Variants in FASTKD1 observed in about 807,000 individuals in gnomAD.
FASTKD1 encodes FAST kinase domains 1.
In FASTKD1, 94 loss-of-function variants were observed where a neutral mutation model predicts 90.9. The ratio of observed to expected loss-of-function variants is 1.03; its 90% CI spans 0.88 to 1.23. FASTKD1 has a LOEUF of 1.23. Among genes scored for constraint, FASTKD1 ranks in the 50% most tolerant of loss-of-function variants. The pLI is 0.00. For missense variants in FASTKD1, 945 were observed against 993.5 expected (o/e 0.95, Z 0.66); for synonymous variants, 319 against 345.8 (o/e 0.92, Z 0.86).
rs77134597 is a variant in FASTKD1, at chr2:169,570,114, C to T, written c.378-862G>A. Among the ~76,000 whole-genome samples the T allele has an allele frequency of 7.0e-3, 1,064 of 152,222 alleles. 18 individuals carry two copies. Among genetic ancestry groups the T allele is most frequent in the African/African-American group, 0.024 (979 of 41,540 alleles). On this transcript the variant is annotated intron_variant, in intron 2 of 14. Coordinates refer to ENST00000453153, the MANE Select transcript of FASTKD1 (RefSeq NM_024622.6). ...AAACAACTTACACGTCTCTAACTTA[C>T]GTAATGCTGATATTTACAGCCATTT...
At chr2:169,549,936 T>C (rs567928075) in intron 7 of FASTKD1, among the ~76,000 whole-genome samples, 53 of 152,358 alleles carry the variant, frequency 3.5e-4, no homozygotes, top group Non-Finnish European at 5.9e-4. Context: ...TAAAAGTATT[T>C]TAATTTTATC....
intron 3 of FASTKD1, among the ~76,000 whole-genome samples, chr2:169,567,940 G>A (rs1183009314): frequency 6.6e-6 from 1 of 152,014 alleles, no homozygotes; most frequent in East Asian, 1.9e-4. Flanking sequence ...CCCAAAATGA[G>A]TCTGCTATTA....
chr2:169,565,793 T>G (rs1266667147), intron 3 of FASTKD1, among the ~76,000 whole-genome samples: 1 of 152,216 alleles, frequency 6.6e-6, no homozygotes, highest in African/African-American at 2.4e-5. Context: ...TTATACTAAT[T>G]TACATTCCCA....
At chr2:169,541,584 G>A (rs1684957841) in intron 9 of FASTKD1, among the ~76,000 whole-genome samples, 1 of 152,052 alleles carries the variant, frequency 6.6e-6, no homozygotes, top group African/African-American at 2.4e-5. Context: ...ATGCTGTCTG[G>A]CCCATAGATC....
intron 3 of FASTKD1, among the ~76,000 whole-genome samples, chr2:169,564,266 A>G (rs1295898473): frequency 6.6e-6 from 1 of 152,300 alleles, no homozygotes. Context: ...TAAGACAATC[A>G]ACAAAATTTG....
Position 169,569,197 on chromosome 2 carries a change from T to C in FASTKD1, c.433A>G (p.Arg145Gly), listed in dbSNP as rs1383855781. Reference sequence around the variant, plus strand: ...CAGGGTACTTGCCTTTCTAGCCTTCTCCATGCTTCTGTAACTAGTGCTTCA... The same window carrying C: ...CAGGGTACTTGCCTTTCTAGCCTTCCCCATGCTTCTGTAACTAGTGCTTCA... Reference protein sequence around the residue: ...LVEALVTEAWRRLERFDIKLL... With the variant: ...LVEALVTEAWGRLERFDIKLL... The change falls in exon 3 of 15, where the codon AGA (arginine) becomes GGA (glycine). Residue 145 changes from arginine (R) to glycine (G), a missense_variant. Physicochemically the swap from Arg to Gly is moderately radical, Grantham distance 125. Coordinates refer to ENST00000453153, the MANE Select transcript of FASTKD1 (RefSeq NM_024622.6). 2 of 1,614,096 alleles carry C rather than the reference T, an allele frequency of 1.2e-6. No individual in the cohort carries two copies. The highest frequency in any genetic ancestry group is 1.7e-5 in the Admixed American group (1 of 60,024).
chr2:169,544,562 C>T (rs1157723726), intron 9 of FASTKD1, among the ~76,000 whole-genome samples, 159 bp downstream of exon 9: 2 of 152,138 alleles, frequency 1.3e-5, no homozygotes, highest in African/African-American at 2.4e-5. Flanking sequence ...CAGAGCAAGA[C>T]TCTGTCTCAA....
chr2:169,530,540 A>T, intron 14 of FASTKD1, 47 bp downstream of exon 14: 2 of 1,010,900 alleles, frequency 2.0e-6, no homozygotes, highest in Non-Finnish European at 3.0e-6. Flanking sequence ...ATGTACAGCT[A>T]GTGTCTCTGG....
chr2:169,535,964 CTT>C (rs377256158), intron 12 of FASTKD1, among the ~76,000 whole-genome samples: 9 of 143,478 alleles, frequency 6.3e-5, no homozygotes, highest in Non-Finnish European at 9.1e-5. Flanking sequence ...ACTAAACATC[CTT>C]TTTTTTTTTT....
intron 2 of FASTKD1, among the ~76,000 whole-genome samples, chr2:169,569,459 C>T (rs183767419): frequency 3.2e-4 from 49 of 152,268 alleles, no homozygotes; most frequent in African/African-American, 1.1e-3. Context: ...CCCTCTCACC[C>T]TTTTATCTGC....
intron 12 of FASTKD1, among the ~76,000 whole-genome samples, chr2:169,532,902 G>C (rs1408988599): frequency 6.6e-6 from 1 of 152,076 alleles, no homozygotes; most frequent in Non-Finnish European, 1.5e-5. Flanking sequence ...GTTCATTATA[G>C]TAGGCCAAAT....
intron 11 of FASTKD1, 96 bp from the exon 12 acceptor site, chr2:169,537,436 A>G (rs1436471832): frequency 2.9e-5 from 22 of 762,106 alleles, no homozygotes; most frequent in Non-Finnish European, 3.3e-5. Flanking sequence ...CCAGGCTGGA[A>G]TGCAACGGCG....
chr2:169,532,566 T>C (rs1459624402), intron 12 of FASTKD1, among the ~76,000 whole-genome samples: 1 of 151,690 alleles, frequency 6.6e-6, no homozygotes, highest in Admixed American at 6.6e-5. Context: ...ATATCACTAA[T>C]GGTTTACAGC....
rs1295514706 is a variant in FASTKD1, at chr2:169,557,192, A to T, written c.1077T>A (p.Ile359=). 6.3e-7 allele frequency: 1 copy of T among 1,597,742 alleles called. No homozygotes were observed. The highest frequency in any genetic ancestry group is 8.6e-7 in the Non-Finnish European group (1 of 1,166,074). ...GTAAATTTCAGAAAAGATACCTTTT[A>T]ATCAGACATGAGTTTCTGCTTTCCA... The part of the protein sequence containing the change: ...GDMESRNSCL[I]KRVTSVLHKH... Residue 359 remains isoleucine, a synonymous_variant, in exon 6 of 15, where the codon ATT becomes ATA. Transcript: ENST00000453153.
At chr2:169,536,999 T>C in intron 12 of FASTKD1, 3 of 314,466 alleles carry the variant, frequency 9.5e-6, no homozygotes, top group South Asian at 4.3e-5. Context: ...ACCTTAATTT[T>C]TTTTTTTTTT....
intron 6 of FASTKD1, 34 bp downstream of exon 6, chr2:169,557,153 A>G: frequency 1.5e-6 from 2 of 1,367,784 alleles, no homozygotes; most frequent in South Asian, 1.2e-5. Context: ...GTGAATGACA[A>G]CAAACTTAAC....
chr2:169,531,641 T>G lies in FASTKD1; in HGVS notation c.2189-151A>C, dbSNP rs896649657. On this transcript the variant is annotated intron_variant, in intron 12 of 14. Transcript: ENST00000453153. ...ACCTCTCAGATTATCCAAGTTATTT[T>G]TATAAGATCTGGTCCAATGGCACCT... The G allele has an allele frequency of 2.0e-5, 12 of 614,646 alleles. No homozygotes were observed. The South Asian group carries it at 3.3e-4, about 17-fold the overall frequency. The allele number at this position is 614,646 out of a possible 1,614,324, so 38.1% of individuals were successfully genotyped here. A position where few individuals can be genotyped will look rare whatever the true frequency, so the allele number is the denominator to read the frequency against.
chr2:169,565,542 G>A (rs1172114589), intron 3 of FASTKD1, among the ~76,000 whole-genome samples: 2 of 152,144 alleles, frequency 1.3e-5, no homozygotes, highest in Non-Finnish European at 2.9e-5. Context: ...GATTACAGGC[G>A]TGAGCCACCG....
At chr2:169,545,393 T>C (rs1685147247) in intron 8 of FASTKD1, among the ~76,000 whole-genome samples, 1 of 152,140 alleles carries the variant, frequency 6.6e-6, no homozygotes, top group African/African-American at 2.4e-5. Flanking sequence ...TCATTTGCTT[T>C]TTTATTTCAT....
Sources: allele counts gnomAD v4.1 joint callset (sites outside exome capture counted in the v4.1 genomes callset), GRCh38; gene constraint gnomAD v4.1.1; transcripts MANE v1.5; gene names NCBI Gene and HGNC (gene_info 2026-07-23, HGNC 2026-07-21).